The following GRM7 variants were observed in gnomAD, a reference collection of about 807,000 sequenced individuals.
GRM7 encodes metabotropic glutamate receptor 7.
In GRM7, 35 loss-of-function variants were observed where a neutral mutation model predicts 84.5. The ratio of observed to expected loss-of-function variants is 0.41; its 90% CI spans 0.32 to 0.55. The LOEUF (loss-of-function observed/expected upper bound fraction) is 0.55. Ranked by LOEUF, GRM7 falls within the 20% of genes least tolerant of loss-of-function variation. The pLI, the probability that GRM7 is intolerant of heterozygous loss-of-function variation, is 0.19. For synonymous variants in GRM7, 487 were observed against 455.1 expected (o/e 1.07, Z -0.89); for missense variants, 1,003 against 1,194.6 (o/e 0.84, Z 2.36).
In GRM7 at chr3:7,233,164, G is replaced by T. The variant is rs557042704; in HGVS notation, c.737-65520G>T. Reference sequence around the variant, plus strand: ...TTGAAATAGAGAATAGAATATATATGTCCTAGTTTAGAATTCTGGGCAACT... The same window carrying T: ...TTGAAATAGAGAATAGAATATATATTTCCTAGTTTAGAATTCTGGGCAACT... On this transcript the variant is annotated intron_variant, in intron 2 of 9. Coordinates refer to ENST00000357716, the MANE Select transcript of GRM7 (RefSeq NM_000844.4). Among the ~76,000 whole-genome samples, 29 of 152,250 alleles carry T rather than the reference G, an allele frequency of 1.9e-4. 5 individuals carry two copies. Among genetic ancestry groups the T allele is most frequent in the South Asian group, 1.5e-3 (7 of 4,820 alleles).
intron 1 of GRM7, among the ~76,000 whole-genome samples, chr3:7,101,891 C>T (rs1279704051): frequency 6.0e-5 from 9 of 150,210 alleles, no homozygotes; most frequent in Admixed American, 6.7e-5. Context: ...AATTGGCATC[C>T]TTAATTTATC....
chr3:7,133,021 C>G (rs1693654805), intron 1 of GRM7, among the ~76,000 whole-genome samples: 1 of 152,076 alleles, frequency 6.6e-6, no homozygotes, highest in East Asian at 1.9e-4. Context: ...GATTTAATTT[C>G]ATTCTGTCCT....
intron 9 of GRM7, among the ~76,000 whole-genome samples, chr3:7,703,081 A>C (rs1026934512): frequency 6.6e-6 from 1 of 152,150 alleles, no homozygotes; most frequent in Non-Finnish European, 1.5e-5. Flanking sequence ...TAATTGGTTT[A>C]GGGTAAGTTT....
intron 4 of GRM7, among the ~76,000 whole-genome samples, chr3:7,391,016 A>G (rs949936497): frequency 6.6e-6 from 1 of 151,204 alleles, no homozygotes; most frequent in African/African-American, 2.4e-5. Context: ...ATTGGCTATC[A>G]TTTGGATGTG....
intron 7 of GRM7, chr3:7,561,534 A>G (rs551121245): frequency 9.2e-5 from 42 of 456,612 alleles, no homozygotes; most frequent in African/African-American, 7.0e-4. Flanking sequence ...GAATGTTGGC[A>G]TGGAAAGTCC....
At chr3:7,068,872 A>C (rs1358238903) in intron 1 of GRM7, among the ~76,000 whole-genome samples, 2 of 151,864 alleles carry the variant, frequency 1.3e-5, no homozygotes, top group Non-Finnish European at 2.9e-5. Flanking sequence ...TAGTGGCTTC[A>C]TTGGCTTCAG....
chr3:7,482,035 A>G (rs1699149406), intron 7 of GRM7, among the ~76,000 whole-genome samples: 2 of 152,168 alleles, frequency 1.3e-5, no homozygotes, highest in South Asian at 4.1e-4. Flanking sequence ...AAAAATACAA[A>G]AAATTAGCCA....
intron 7 of GRM7, among the ~76,000 whole-genome samples, chr3:7,479,019 C>T (rs143802944): frequency 6.6e-4 from 99 of 149,080 alleles, no homozygotes; most frequent in Admixed American, 4.2e-3. Context: ...CTCAGAAGTC[C>T]GGCTTGGAAG....
chr3:6,986,884 C>T (rs1054526575), intron 1 of GRM7, among the ~76,000 whole-genome samples: 1 of 152,166 alleles, frequency 6.6e-6, no homozygotes, highest in Non-Finnish European at 1.5e-5. Flanking sequence ...ATCTCTATAC[C>T]TTCAGCTATC....
chr3:7,423,389 G>T (rs968789590), intron 5 of GRM7, among the ~76,000 whole-genome samples: 1 of 152,214 alleles, frequency 6.6e-6, no homozygotes, highest in African/African-American at 2.4e-5. Context: ...TATTCAGAAA[G>T]TCTGTCAGGC....
intron 4 of GRM7, among the ~76,000 whole-genome samples, chr3:7,348,062 A>G (rs1163042696): frequency 2.6e-5 from 4 of 152,282 alleles, no homozygotes; most frequent in Non-Finnish European, 4.4e-5. Flanking sequence ...GCCTAGTGGT[A>G]AAATCTGTGT....
chr3:7,356,963 C>CACACAG (rs1491335534), intron 4 of GRM7, among the ~76,000 whole-genome samples: 1 of 145,788 alleles, frequency 6.9e-6, no homozygotes, highest in Admixed American at 7.0e-5. Flanking sequence ...CACACACACA[C>CACACAG]AGTTATATGT....
intron 5 of GRM7, among the ~76,000 whole-genome samples, chr3:7,422,361 C>T (rs538962936): frequency 6.6e-6 from 1 of 152,190 alleles, no homozygotes; most frequent in Non-Finnish European, 1.5e-5. Context: ...ATTTTATTTT[C>T]TGACTACTGA....
chr3:7,528,360 G>C (rs771059754), intron 7 of GRM7, among the ~76,000 whole-genome samples: 50 of 152,026 alleles, frequency 3.3e-4, no homozygotes, highest in Admixed American at 9.8e-4. Context: ...CTGTGGAATT[G>C]GTTGTAATGT....
At chr3:7,107,988 G>A (rs1692711970) in intron 1 of GRM7, among the ~76,000 whole-genome samples, 1 of 151,994 alleles carries the variant, frequency 6.6e-6, no homozygotes, top group African/African-American at 2.4e-5. Context: ...TGGGGAGAGA[G>A]AGCAGCAGTT....
chr3:7,104,056 G>C (rs187442120), intron 1 of GRM7, among the ~76,000 whole-genome samples: 5 of 151,360 alleles, frequency 3.3e-5, no homozygotes, highest in African/African-American at 1.2e-4. Context: ...GGTACCTTTG[G>C]GAGATAATTA....
chr3:6,897,527 C>T (rs772560877), intron 1 of GRM7, among the ~76,000 whole-genome samples: 3 of 152,130 alleles, frequency 2.0e-5, no homozygotes, highest in Non-Finnish European at 4.4e-5. Context: ...ACCTTCTCAC[C>T]ATTTTTGTGT....
Position 7,066,454 on chromosome 3 carries a change from A to G in GRM7, c.520-79998A>G, listed in dbSNP as rs145575363. 7.0e-3 allele frequency among the ~76,000 whole-genome samples: 1,067 copies of G among 151,950 alleles called. 6 individuals carry two copies. Among genetic ancestry groups the G allele is most frequent in the African/African-American group, 0.024 (1,013 of 41,516 alleles). ...ATGGATGAATTCCTGGAAAAATACA[A>G]CACTCTTAGCTTAAATCGGGAAGAA... On this transcript the variant is annotated intron_variant, in intron 1 of 9. Transcript: ENST00000357716.
intron 1 of GRM7, among the ~76,000 whole-genome samples, chr3:7,103,722 TTC>T (rs903608519): frequency 4.7e-5 from 7 of 148,954 alleles, no homozygotes; most frequent in Admixed American, 6.7e-5. Flanking sequence ...TTATTTTGTT[TTC>T]TCTCTTTTTC....
Sources: gnomAD v4.1 joint callset for allele counts (sites outside exome capture counted in the v4.1 genomes callset) on GRCh38, gnomAD v4.1.1 for gene constraint, MANE v1.5 for transcripts, NCBI Gene and HGNC (gene_info 2026-07-23, HGNC 2026-07-21) for gene names.